STAG1: variants seen among roughly 807,000 people sequenced by gnomAD.
STAG1 encodes cohesin subunit SA-1.
A neutral mutation model predicts 170.9 loss-of-function variants in STAG1; 26 were observed. That is an observed-to-expected ratio of 0.15 (90% CI 0.11 to 0.21). STAG1 has a LOEUF of 0.21. Ranked by LOEUF, STAG1 falls within the 10% of genes least tolerant of loss-of-function variation. The pLI, the probability that STAG1 is intolerant of heterozygous loss-of-function variation, is 1.00. For synonymous variants in STAG1, 514 were observed against 497.7 expected, an observed-to-expected ratio of 1.03 and a Z score of -0.44; for missense variants, 964 against 1,509.5, an observed-to-expected ratio of 0.64 and a Z score of 5.99.
intron 1 of STAG1, among the ~76,000 whole-genome samples, chr3:136,723,104 C>G (rs972370425): frequency 1.3e-5 from 2 of 152,220 alleles, no homozygotes; most frequent in Non-Finnish European, 2.9e-5. Flanking sequence ...AGCCTCTGCC[C>G]GGCCGCAACG....
intron 13 of STAG1, among the ~76,000 whole-genome samples, chr3:136,460,922 T>C (rs989422344): frequency 3.3e-5 from 5 of 152,168 alleles, no homozygotes; most frequent in Non-Finnish European, 7.4e-5. Flanking sequence ...TAAACATGCA[T>C]GTAAAAATTC....
intron 2 of STAG1, among the ~76,000 whole-genome samples, chr3:136,629,322 T>C (rs565296493): frequency 6.6e-6 from 1 of 152,128 alleles, no homozygotes; most frequent in African/African-American, 2.4e-5. Flanking sequence ...AAATGTTACA[T>C]TAAGTACTTT....
chr3:136,527,336 A>G (rs1481832309), intron 6 of STAG1, among the ~76,000 whole-genome samples: 1 of 151,864 alleles, frequency 6.6e-6, no homozygotes, highest in Non-Finnish European at 1.5e-5. Flanking sequence ...GCTTCATTTC[A>G]TTCATTTGAT....
intron 1 of STAG1, among the ~76,000 whole-genome samples, chr3:136,695,970 C>G (rs1029637952): frequency 2.0e-5 from 3 of 152,150 alleles, no homozygotes; most frequent in African/African-American, 7.2e-5. Flanking sequence ...AAACACATCT[C>G]TAAACAAGAC....
At chr3:136,469,060 C>T (rs2089551791) in intron 12 of STAG1, among the ~76,000 whole-genome samples, 2 of 152,100 alleles carry the variant, frequency 1.3e-5, no homozygotes, top group Non-Finnish European at 2.9e-5. Context: ...GAAAGCATTC[C>T]CTTTGAAAAC....
chr3:136,461,964 TAAAG>T (rs767813036), intron 13 of STAG1, among the ~76,000 whole-genome samples: 52 of 152,196 alleles, frequency 3.4e-4, no homozygotes, highest in Middle Eastern at 3.4e-3. Context: ...TTATTTATTA[TAAAG>T]AAAGTGCAAA....
intron 1 of STAG1, among the ~76,000 whole-genome samples, chr3:136,652,682 A>T (rs1381967180): frequency 6.6e-6 from 1 of 152,208 alleles, no homozygotes; most frequent in Non-Finnish European, 1.5e-5. Flanking sequence ...AGTTGAGCAC[A>T]AGTGCCAGAT....
chr3:136,406,872 C>G (rs1201672624), intron 21 of STAG1, among the ~76,000 whole-genome samples: 2 of 152,104 alleles, frequency 1.3e-5, no homozygotes, highest in South Asian at 2.1e-4. Context: ...AGAATGGATA[C>G]GAAGCAGGCT....
intron 23 of STAG1, among the ~76,000 whole-genome samples, chr3:136,373,039 C>A (rs1360176545): frequency 6.6e-6 from 1 of 152,146 alleles, no homozygotes. Context: ...TGTTATTGGT[C>A]TATTCAGAGA....
chr3:136,547,224 A>G (rs561017282), intron 5 of STAG1, among the ~76,000 whole-genome samples: 9 of 152,190 alleles, frequency 5.9e-5, no homozygotes, highest in Non-Finnish European at 1.2e-4. Flanking sequence ...AGTATCCCTT[A>G]TTGTTAACAC....
chr3:136,507,235 G>A (rs1933811983), intron 7 of STAG1, among the ~76,000 whole-genome samples: 1 of 152,110 alleles, frequency 6.6e-6, no homozygotes, highest in Non-Finnish European at 1.5e-5. Flanking sequence ...ATGTGTATTT[G>A]CTATTATTTG....
At chr3:136,503,057 A>ACT (rs138277914) in intron 7 of STAG1, among the ~76,000 whole-genome samples, 156 of 152,166 alleles carry the variant, frequency 1.0e-3, no homozygotes, top group Non-Finnish European at 7.8e-4. Context: ...ATCTTCAACA[A>ACT]CTCCTTTCTC....
chr3:136,504,965 T>C lies in STAG1; in HGVS notation c.677-2186A>G, dbSNP rs554143770. Reference sequence around the variant, plus strand: ...TGATCAATATATCTTCGGAAACATATTAGGTATAATACAGCAGTGTTTACT... The same window carrying C: ...TGATCAATATATCTTCGGAAACATACTAGGTATAATACAGCAGTGTTTACT... On this transcript the variant is annotated intron_variant, in intron 7 of 33. Transcript: ENST00000383202. Among the ~76,000 whole-genome samples, 4 of 152,266 alleles carry C rather than the reference T, an allele frequency of 2.6e-5. No homozygotes were observed. In the South Asian group the frequency reaches 8.3e-4, roughly 32 times the overall value.
intron 13 of STAG1, 113 bp downstream of exon 13, chr3:136,464,768 G>T (rs2089404257): frequency 1.0e-5 from 8 of 797,766 alleles, no homozygotes; most frequent in Non-Finnish European, 1.2e-5. Flanking sequence ...TGGAGTATCA[G>T]ATGGACATTT....
intron 15 of STAG1, among the ~76,000 whole-genome samples, chr3:136,438,039 T>TTA (rs2088508796): frequency 6.6e-6 from 1 of 152,192 alleles, no homozygotes; most frequent in Admixed American, 6.5e-5. Context: ...ATAAGTTCAC[T>TTA]TATAAACTAA....
chr3:136,550,660 A>T (rs1464816358), intron 5 of STAG1, among the ~76,000 whole-genome samples: 1 of 152,054 alleles, frequency 6.6e-6, no homozygotes, highest in Non-Finnish European at 1.5e-5. Context: ...GTTTCTAGAA[A>T]TTTAGTCATT....
intron 4 of STAG1, among the ~76,000 whole-genome samples, chr3:136,600,353 C>T (rs1407606150): frequency 2.0e-5 from 3 of 152,128 alleles, no homozygotes; most frequent in African/African-American, 7.2e-5. Context: ...AAGCCCGATT[C>T]GATTCTCCTA....
chr3:136,424,820 A>G (rs965640517), intron 16 of STAG1, among the ~76,000 whole-genome samples: 3 of 152,156 alleles, frequency 2.0e-5, no homozygotes, highest in Admixed American at 1.3e-4. Context: ...ACCTGGTACA[A>G]GTAATGAGAT....
At chr3:136,708,276 C>T (rs1576792345) in intron 1 of STAG1, among the ~76,000 whole-genome samples, 1 of 152,164 alleles carries the variant, frequency 6.6e-6, no homozygotes, top group Non-Finnish European at 1.5e-5. Flanking sequence ...TATATACATA[C>T]AATTGAATGT....
Sources: gnomAD v4.1 joint callset for allele counts (sites outside exome capture counted in the v4.1 genomes callset) on GRCh38, gnomAD v4.1.1 for gene constraint, MANE v1.5 for transcripts, NCBI Gene and HGNC (gene_info 2026-07-23, HGNC 2026-07-21) for gene names.